Variants in COPS3 observed in about 807,000 individuals in gnomAD.
COPS3 encodes COP9 signalosome complex subunit 3.
A neutral mutation model predicts 58.2 loss-of-function variants in COPS3; 10 were observed. That is an observed-to-expected ratio of 0.17 (90% CI 0.11 to 0.29). COPS3 has a LOEUF of 0.29. Ranked by LOEUF, COPS3 falls within the 10% of genes least tolerant of loss-of-function variation. The pLI is 1.00. For missense variants in COPS3, 333 were observed against 510.1 expected, an observed-to-expected ratio of 0.65 and a Z score of 3.34; for synonymous variants, 187 against 181.7, an observed-to-expected ratio of 1.03 and a Z score of -0.24.
chr17:17,253,092 G>A (rs1217650230), intron 9 of COPS3, among the ~76,000 whole-genome samples: 1 of 152,066 alleles, frequency 6.6e-6, no homozygotes, highest in African/African-American at 2.4e-5. Context: ...TGGGTGTGGT[G>A]GCACACATCT....
chr17:17,281,023 AAG>A (rs1349571522), intron 1 of COPS3, 107 bp downstream of exon 1: 1 of 1,269,948 alleles, frequency 7.9e-7, no homozygotes, highest in Admixed American at 2.2e-5. Context: ...GGCCCCGGAG[AAG>A]AGTCTCAGGA....
intron 8 of COPS3, among the ~76,000 whole-genome samples, chr17:17,257,092 G>A (rs562792954): frequency 2.6e-5 from 4 of 152,262 alleles, no homozygotes; most frequent in African/African-American, 4.8e-5. Context: ...GGCCAGGCGC[G>A]GTGGCTCACA....
At position 17,276,136 on chromosome 17, in the gene COPS3, G is replaced by T; in HGVS notation, c.84C>A (p.Ile28=). The T allele has an allele frequency of 6.2e-7, 1 of 1,613,922 alleles. No individual in the cohort carries two copies. The highest frequency in any genetic ancestry group is 8.5e-7 in the Non-Finnish European group (1 of 1,179,934). ...QGQMTQLCEL[I]NKSGELLAKN... The stretch of plus-strand genomic sequence containing the variant: ...TCGCAAGGAGTTCCCCACTCTTGTT[G>T]ATCAGTTCACAAAGCTGTGTCATTT... The change falls in exon 2 of 12, where the codon ATC becomes ATA. Residue 28 remains isoleucine (I), a synonymous_variant. Coordinates refer to ENST00000268717, the MANE Select transcript of COPS3 (RefSeq NM_003653.4).
At chr17:17,265,054 T>C (rs956912824) in intron 5 of COPS3, 73 bp from the exon 6 acceptor site, 13 of 1,333,014 alleles carry the variant, frequency 9.8e-6, no homozygotes, top group East Asian at 2.3e-5. Flanking sequence ...AGAAAATTCA[T>C]TGATTCCAGA....
intron 9 of COPS3, among the ~76,000 whole-genome samples, chr17:17,252,361 C>CTGGGT (rs1376109007): frequency 3.2e-4 from 44 of 139,612 alleles, no homozygotes; most frequent in African/African-American, 1.1e-3. Flanking sequence ...GTGGGCTGTC[C>CTGGGT]AGGGTACAGA....
At chr17:17,258,213 C>T (rs906584861) in intron 8 of COPS3, among the ~76,000 whole-genome samples, 11 of 152,128 alleles carry the variant, frequency 7.2e-5, no homozygotes, top group East Asian at 1.9e-4. Context: ...TGTCAACATA[C>T]GAAGGACCCA....
Position 17,249,039 on chromosome 17 carries a change from T to C in COPS3, c.1024A>G (p.Ile342Val), listed in dbSNP as rs774671125. 2 of 1,561,938 alleles carry C rather than the reference T, an allele frequency of 1.3e-6. No homozygotes were observed. Among genetic ancestry groups the C allele is most frequent in the East Asian group, 2.3e-5 (1 of 44,428 alleles). The change falls in exon 10 of 12, where the codon ATA becomes GTA. Residue 342 changes from isoleucine to valine, a missense_variant and splice_region_variant. By Grantham distance (29) the Ile-to-Val change is conservative. Coordinates refer to ENST00000268717, the MANE Select transcript of COPS3 (RefSeq NM_003653.4). The stretch of plus-strand genomic sequence containing the variant: ...CTTGCAAAAATCTCACCATCTTCTA[T>C]CTGCAGAAAGAAAAAAAAAAAAATC... ...QEAEKYVLHM[I>V]EDGEIFASIN...
Position 17,264,996 on chromosome 17 carries a change from A to G in COPS3, c.442-15T>C. On this transcript the variant is annotated splice_polypyrimidine_tract_variant and intron_variant, in intron 5 of 11. Coordinates refer to ENST00000268717, the MANE Select transcript of COPS3 (RefSeq NM_003653.4). ...AGCAAACAAAGCTGTGAACAAATTG[A>G]TATTAAATCATCACTTTAATTTTAC... 6.2e-7 allele frequency: 1 copy of G among 1,600,684 alleles called. No homozygotes were observed. Among genetic ancestry groups the G allele is most frequent in the African/African-American group, 1.3e-5 (1 of 74,236 alleles).
At chr17:17,267,042 TAA>T (rs1337235741) in intron 5 of COPS3, among the ~76,000 whole-genome samples, 2 of 149,074 alleles carry the variant, frequency 1.3e-5, no homozygotes, top group African/African-American at 2.5e-5. Flanking sequence ...TTCGGGATTT[TAA>T]AAAAAGTTAC....
intron 5 of COPS3, 102 bp from the exon 6 acceptor site, chr17:17,265,083 T>C (rs2048191584): frequency 9.7e-7 from 1 of 1,031,980 alleles, no homozygotes; most frequent in South Asian, 1.4e-5. Context: ...AATAATGTAA[T>C]TGTGTTTTAC....
In COPS3 at chr17:17,246,972, G is replaced by T; in HGVS notation, c.*126C>A. On this transcript the variant is annotated 3_prime_UTR_variant, in exon 12 of 12. Transcript: ENST00000268717. Reference sequence around the variant, plus strand: ...TCTGAAAGCACACAGGACTGAAGATGTCAAAACAAAACTTAATTTCTTAGT... The same window carrying T: ...TCTGAAAGCACACAGGACTGAAGATTTCAAAACAAAACTTAATTTCTTAGT... 1 of 851,902 alleles carries T rather than the reference G, an allele frequency of 1.2e-6. No individual in the cohort carries two copies. 52.8% of individuals were successfully genotyped at this position (851,902 alleles called of 1,614,324 possible).
At chr17:17,278,929 C>T (rs2048517118) in intron 1 of COPS3, among the ~76,000 whole-genome samples, 1 of 149,820 alleles carries the variant, frequency 6.7e-6, no homozygotes, top group Non-Finnish European at 1.5e-5. Flanking sequence ...GACTGGAGGG[C>T]AGTGGCGCGA....
At position 17,247,030 on chromosome 17, in the gene COPS3, G is replaced by C; in HGVS notation, c.*68C>G. On this transcript the variant is annotated 3_prime_UTR_variant, in exon 12 of 12. Coordinates refer to ENST00000268717, the MANE Select transcript of COPS3 (RefSeq NM_003653.4). ...TGACACAGGCTTGGTCCTCTCTGCT[G>C]CCCTCCGAACACTTGTCACTGGCCA... 7.2e-7 allele frequency: 1 copy of C among 1,394,776 alleles called. No individual in the cohort carries two copies. The highest frequency in any genetic ancestry group is 1.2e-5 in the South Asian group (1 of 86,612). The allele number at this position is 1,394,776 out of a possible 1,614,324, so 86.4% of individuals were successfully genotyped here.
intron 9 of COPS3, among the ~76,000 whole-genome samples, chr17:17,254,257 G>A (rs188619285): frequency 3.0e-5 from 4 of 135,452 alleles, no homozygotes; most frequent in East Asian, 4.6e-4. Context: ...GCAGTGAGCC[G>A]AGATTGCACC....
chr17:17,267,677 T>C (rs1212493741), intron 5 of COPS3, among the ~76,000 whole-genome samples: 2 of 150,958 alleles, frequency 1.3e-5, no homozygotes, highest in African/African-American at 4.8e-5. Flanking sequence ...AATTACCCTA[T>C]CTGTTCGACA....
intron 5 of COPS3, among the ~76,000 whole-genome samples, chr17:17,266,507 A>G (rs1160997822): frequency 6.6e-6 from 1 of 152,160 alleles, no homozygotes; most frequent in East Asian, 1.9e-4. Flanking sequence ...AAAATAAGAT[A>G]AATAAATGAG....
rs572738526 is a variant in COPS3, at chr17:17,266,806, A to T, written c.441+1079T>A. Among the ~76,000 whole-genome samples, 7 of 139,202 alleles carry T rather than the reference A, an allele frequency of 5.0e-5. No individual in the cohort carries two copies. The South Asian group carries it at 6.6e-4, about 13-fold the overall frequency. The allele number at this position is 139,202 out of a possible 152,430, so 91.3% of individuals were successfully genotyped here. A position where few individuals can be genotyped will look rare whatever the true frequency, so the allele number is the denominator to read the frequency against. ...AGAGCAAGACTCCATCTCAAAAAAT[A>T]AAAAAAAAAAAGATAAATGAATAAC... On this transcript the variant is annotated intron_variant, in intron 5 of 11. Coordinates refer to ENST00000268717, the MANE Select transcript of COPS3 (RefSeq NM_003653.4).
intron 11 of COPS3, 52 bp from the exon 12 acceptor site, chr17:17,247,203 C>T (rs2047742977): frequency 6.5e-7 from 1 of 1,549,978 alleles, no homozygotes; most frequent in Non-Finnish European, 8.9e-7. Flanking sequence ...ATCAAGGGTT[C>T]CCCGGCAGCC....
intron 1 of COPS3, chr17:17,280,612 G>C (rs1208410817): frequency 7.7e-7 from 1 of 1,302,756 alleles, no homozygotes; most frequent in Non-Finnish European, 1.0e-6. Flanking sequence ...GACCAAAATA[G>C]GCGCACAGGT....
Sources: allele counts gnomAD v4.1 joint callset (sites outside exome capture counted in the v4.1 genomes callset), GRCh38; gene constraint gnomAD v4.1.1; transcripts MANE v1.5; gene names NCBI Gene and HGNC (gene_info 2026-07-23, HGNC 2026-07-21).